The following SLC39A11 variants were observed in gnomAD, a reference collection of about 807,000 sequenced individuals.
The protein encoded by SLC39A11 is zinc transporter ZIP11.
A neutral mutation model predicts 36.1 loss-of-function variants in SLC39A11; 33 were observed. The ratio of observed to expected loss-of-function variants is 0.91; its 90% CI spans 0.69 to 1.22. SLC39A11 has a LOEUF of 1.22. Among genes scored for constraint, SLC39A11 ranks in the 50% most tolerant of loss-of-function variants. The probability of loss-of-function intolerance (pLI) is 0.00; values close to 1 mark genes in which losing one functional copy is unlikely to be tolerated. For synonymous variants in SLC39A11, 166 were observed against 170.3 expected (o/e 0.97, Z 0.20); for missense variants, 432 against 430.3 (o/e 1.00, Z -0.03).
At position 72,771,719 on chromosome 17, in the gene SLC39A11, T is replaced by C. The variant is rs547257479; in HGVS notation, c.602-35000A>G. Among the ~76,000 whole-genome samples, 5 of 152,306 alleles carry C rather than the reference T, an allele frequency of 3.3e-5. No individual in the cohort carries two copies. In the East Asian group the frequency reaches 9.6e-4, roughly 29 times the overall value. Reference sequence around the variant, plus strand: ...CGCTGAGGCCAACTGCAATTGAGGATTTATAAGAAAAAACGATGTGTGATT... The same window carrying C: ...CGCTGAGGCCAACTGCAATTGAGGACTTATAAGAAAAAACGATGTGTGATT... On this transcript the variant is annotated intron_variant, in intron 6 of 9. Coordinates refer to ENST00000255559, the MANE Select transcript of SLC39A11 (RefSeq NM_139177.4).
intron 6 of SLC39A11, among the ~76,000 whole-genome samples, chr17:72,739,024 T>C (rs987504367): frequency 3.3e-5 from 5 of 151,712 alleles, no homozygotes; most frequent in Admixed American, 3.3e-4. Flanking sequence ...TGCTAAGGAA[T>C]AAGGTGTTCT....
intron 3 of SLC39A11, among the ~76,000 whole-genome samples, chr17:73,083,015 C>CAAAAAAA (rs34607510): frequency 1.1e-5 from 1 of 89,782 alleles, no homozygotes; most frequent in Non-Finnish European, 2.0e-5. Context: ...GACTCCATTT[C>CAAAAAAA]AAAAAAAAAA....
chr17:72,764,665 C>T (rs1399279313), intron 6 of SLC39A11, among the ~76,000 whole-genome samples: 1 of 152,144 alleles, frequency 6.6e-6, no homozygotes, highest in African/African-American at 2.4e-5. Flanking sequence ...GAAACTCAGA[C>T]ACACCACAGG....
At chr17:72,714,725 C>A (rs1316144873) in intron 7 of SLC39A11, among the ~76,000 whole-genome samples, 2 of 152,168 alleles carry the variant, frequency 1.3e-5, no homozygotes, top group African/African-American at 4.8e-5. Context: ...AGAACACCAC[C>A]TTTTTGTGAT....
At chr17:72,958,782 C>T (rs1310139609) in intron 4 of SLC39A11, among the ~76,000 whole-genome samples, 1 of 150,444 alleles carries the variant, frequency 6.6e-6, no homozygotes, top group African/African-American at 2.5e-5. Flanking sequence ...ACCTGGGAGG[C>T]GGAGGTTGCA....
chr17:72,819,035 G>A (rs2077678921), intron 6 of SLC39A11: 1 of 152,044 alleles, frequency 6.6e-6, no homozygotes, highest in Non-Finnish European at 1.5e-5. Flanking sequence ...GTCTTCCCTG[G>A]ATGGAGGGGT....
At chr17:72,814,276 A>G (rs768874960) in intron 6 of SLC39A11, among the ~76,000 whole-genome samples, 4 of 152,194 alleles carry the variant, frequency 2.6e-5, no homozygotes, top group Non-Finnish European at 5.9e-5. Context: ...ACTGAGAAGT[A>G]CCTGACCCTC....
intron 4 of SLC39A11, among the ~76,000 whole-genome samples, chr17:73,011,086 A>ACACAGG (rs1383617012): frequency 1.3e-5 from 2 of 152,014 alleles, no homozygotes; most frequent in African/African-American, 4.8e-5. Context: ...GTACACAGGC[A>ACACAGG]CACAGGTGAT....
At chr17:72,655,524 G>A (rs561000258) in intron 7 of SLC39A11, among the ~76,000 whole-genome samples, 57 of 152,352 alleles carry the variant, frequency 3.7e-4, no homozygotes, top group African/African-American at 1.2e-3. Flanking sequence ...GTGCGAGGGC[G>A]TTGAGAGCCA....
intron 5 of SLC39A11, among the ~76,000 whole-genome samples, chr17:72,941,556 G>GTT (rs11350044): frequency 1.2e-3 from 174 of 146,712 alleles, no homozygotes; most frequent in Middle Eastern, 7.1e-3. Context: ...TCAGGACTGT[G>GTT]TTTTTTTTTT....
chr17:73,060,369 A>G (rs1456795625), intron 3 of SLC39A11, among the ~76,000 whole-genome samples: 1 of 152,090 alleles, frequency 6.6e-6, no homozygotes, highest in Non-Finnish European at 1.5e-5. Flanking sequence ...TGTCTTTATC[A>G]GGTTTTTGAT....
intron 5 of SLC39A11, among the ~76,000 whole-genome samples, chr17:72,940,163 T>A (rs1190463790): frequency 6.6e-6 from 1 of 152,210 alleles, no homozygotes; most frequent in Non-Finnish European, 1.5e-5. Flanking sequence ...AGCCGACTGT[T>A]TCAGGTGACA....
chr17:72,892,027 A>G (rs537210577), intron 5 of SLC39A11, among the ~76,000 whole-genome samples: 1 of 133,004 alleles, frequency 7.5e-6, no homozygotes, highest in African/African-American at 2.8e-5. Context: ...CAAGGTAGAG[A>G]TAAGACTATT....
chr17:73,025,732 A>G (rs1039103165), intron 4 of SLC39A11, among the ~76,000 whole-genome samples: 2 of 151,944 alleles, frequency 1.3e-5, no homozygotes, highest in Non-Finnish European at 2.9e-5. Flanking sequence ...TATAAAGTCG[A>G]TTTAAAGTAT....
intron 3 of SLC39A11, among the ~76,000 whole-genome samples, chr17:73,078,010 G>A (rs1299044222): frequency 2.6e-5 from 4 of 152,112 alleles, no homozygotes; most frequent in Non-Finnish European, 2.9e-5. Context: ...AGGCTGAGGT[G>A]GGTGGATCAC....
chr17:73,011,473 G>GTGGAAAATGT (rs1400672664), intron 4 of SLC39A11, among the ~76,000 whole-genome samples: 1 of 152,100 alleles, frequency 6.6e-6, no homozygotes, highest in Non-Finnish European at 1.5e-5. Flanking sequence ...GGGATACTCT[G>GTGGAAAATGT]GGGGCCTGTG....
chr17:72,921,268 A>G (rs2083654575), intron 5 of SLC39A11, among the ~76,000 whole-genome samples: 1 of 152,162 alleles, frequency 6.6e-6, no homozygotes, highest in Admixed American at 6.5e-5. Context: ...TAGGGTCAGG[A>G]TTTGGAGAGT....
At chr17:72,668,223 C>T (rs1293421934) in intron 7 of SLC39A11, among the ~76,000 whole-genome samples, 2 of 151,396 alleles carry the variant, frequency 1.3e-5, no homozygotes, top group African/African-American at 4.9e-5. Flanking sequence ...AAGAAGTTTC[C>T]AGTATTTTCA....
intron 5 of SLC39A11, among the ~76,000 whole-genome samples, chr17:72,858,393 T>C (rs2079772935): frequency 6.6e-6 from 1 of 152,248 alleles, no homozygotes; most frequent in African/African-American, 2.4e-5. Context: ...ATGGTATAGT[T>C]TGAAGTTCGG....
Sources: allele counts gnomAD v4.1 joint callset (sites outside exome capture counted in the v4.1 genomes callset), GRCh38; gene constraint gnomAD v4.1.1; transcripts MANE v1.5; gene names NCBI Gene and HGNC (gene_info 2026-07-23, HGNC 2026-07-21).